UBAC2: variants seen among roughly 807,000 people sequenced by gnomAD.
UBAC2 encodes ubiquitin-associated domain-containing protein 2.
In UBAC2, 26 loss-of-function variants were observed where a neutral mutation model predicts 44.0. The ratio of observed to expected loss-of-function variants is 0.59; its 90% CI spans 0.43 to 0.82. The LOEUF is 0.82. Ranked by LOEUF, UBAC2 falls within the 40% of genes least tolerant of loss-of-function variation. The pLI, the probability that UBAC2 is intolerant of heterozygous loss-of-function variation, is 0.00. For missense variants in UBAC2, 329 were observed against 419.4 expected (o/e 0.78, Z 1.88); for synonymous variants, 155 against 154.3 (o/e 1.00, Z -0.04).
At chr13:99,254,091 T>C (rs1405075977) in intron 4 of UBAC2, among the ~76,000 whole-genome samples, 2 of 152,196 alleles carry the variant, frequency 1.3e-5, no homozygotes, top group Non-Finnish European at 2.9e-5. Flanking sequence ...TACTGTGACA[T>C]ATGGCCTGGG....
At chr13:99,337,280 A>G (rs1180365063) in intron 6 of UBAC2, among the ~76,000 whole-genome samples, 1 of 152,088 alleles carries the variant, frequency 6.6e-6, no homozygotes, top group East Asian at 1.9e-4. Flanking sequence ...GCATCTTCCT[A>G]TTCATGGAAC....
intron 4 of UBAC2, among the ~76,000 whole-genome samples, chr13:99,251,646 A>G (rs2043459737): frequency 6.6e-6 from 1 of 152,200 alleles, no homozygotes; most frequent in Admixed American, 6.5e-5. Context: ...CATTTCCATC[A>G]GAATAAAAGT....
At chr13:99,309,567 T>C (rs1047110266) in intron 4 of UBAC2, among the ~76,000 whole-genome samples, 1 of 152,208 alleles carries the variant, frequency 6.6e-6, no homozygotes, top group Non-Finnish European at 1.5e-5. Flanking sequence ...TGAGTTGTGA[T>C]TGTACTGTAA....
At chr13:99,253,863 G>C (rs1027375776) in intron 4 of UBAC2, among the ~76,000 whole-genome samples, 8 of 152,194 alleles carry the variant, frequency 5.3e-5, no homozygotes, top group Admixed American at 4.6e-4. Flanking sequence ...GCCCCAGTAG[G>C]ATATGATCAT....
Position 99,238,654 on chromosome 13 carries a change from C to T in UBAC2, c.159+100C>T. On this transcript the variant is annotated intron_variant, in intron 2 of 8. Transcript: ENST00000403766. ...TCCTGCTGTTAGTCCCTCAAAGCCC[C>T]CAATTTGTAAGAAATATTTATTATT... 9 of 1,090,478 alleles carry T rather than the reference C, an allele frequency of 8.3e-6. No individual in the cohort carries two copies. In the Admixed American group the frequency reaches 1.4e-4, roughly 17 times the overall value. 67.6% of individuals were successfully genotyped at this position (1,090,478 alleles called of 1,614,324 possible).
intron 7 of UBAC2, among the ~76,000 whole-genome samples, chr13:99,348,970 AAAAAG>A (rs959566644): frequency 1.2e-4 from 18 of 152,224 alleles, no homozygotes; most frequent in Admixed American, 5.9e-4. Context: ...GCTCAAAAAG[AAAAAG>A]AAAAGAAAAG....
chr13:99,260,581 G>A (rs930227159), intron 4 of UBAC2, among the ~76,000 whole-genome samples: 1 of 152,186 alleles, frequency 6.6e-6, no homozygotes, highest in African/African-American at 2.4e-5. Context: ...CTGGATCTTC[G>A]CGATGGTTTT....
At chr13:99,220,615 G>A (rs748690151) in intron 1 of UBAC2, among the ~76,000 whole-genome samples, 13 of 152,040 alleles carry the variant, frequency 8.6e-5, no homozygotes, top group African/African-American at 2.2e-4. Flanking sequence ...AGATTAATGC[G>A]TTGTCTGTTA....
At chr13:99,325,670 C>G (rs1229908573) in intron 6 of UBAC2, among the ~76,000 whole-genome samples, 1 of 152,138 alleles carries the variant, frequency 6.6e-6, no homozygotes, top group Non-Finnish European at 1.5e-5. Context: ...AAACTTTATG[C>G]CTGTTGATTT....
chr13:99,265,982 C>A (rs2043738448), intron 4 of UBAC2, among the ~76,000 whole-genome samples: 1 of 152,130 alleles, frequency 6.6e-6, no homozygotes, highest in Non-Finnish European at 1.5e-5. Flanking sequence ...ATCCAGATTT[C>A]TTATGTATGG....
chr13:99,267,600 G>T (rs928968089), intron 4 of UBAC2, among the ~76,000 whole-genome samples: 12 of 152,194 alleles, frequency 7.9e-5, no homozygotes, highest in African/African-American at 2.7e-4. Context: ...TCCAGAGTCT[G>T]CTCACTTCAG....
chr13:99,338,056 T>C lies in UBAC2; in HGVS notation c.562-2264T>C, dbSNP rs1316515979. Among the ~76,000 whole-genome samples the C allele has an allele frequency of 1.2e-3, 101 of 84,876 alleles. 2 individuals carry two copies. The highest frequency in any genetic ancestry group is 3.0e-3 in the African/African-American group (79 of 26,312). 55.7% of individuals were successfully genotyped at this position (84,876 alleles called of 152,430 possible). On this transcript the variant is annotated intron_variant, in intron 6 of 8. Coordinates refer to ENST00000403766, the MANE Select transcript of UBAC2 (RefSeq NM_001144072.2). Reference sequence around the variant, plus strand: ...CTTTTTTTCTTTTTTTCTTTTTTTTTTTTTTTTTTTTTTTTTTTTGAGACA... The same window carrying C: ...CTTTTTTTCTTTTTTTCTTTTTTTTCTTTTTTTTTTTTTTTTTTTGAGACA...
chr13:99,295,696 G>T lies in UBAC2; in HGVS notation c.390-18401G>T. ...CTAGAATCCAGACAAATATGCACAC[G>T]CCTTTTGCATGTTCAATCCTTTTTA... On this transcript the variant is annotated intron_variant, in intron 4 of 8. Coordinates refer to ENST00000403766, the MANE Select transcript of UBAC2 (RefSeq NM_001144072.2). The surrounding 1 kb of genome is among the most constrained non-coding windows in gnomAD (Gnocchi z 4.1). 1.9e-6 allele frequency: 3 copies of T among 1,614,118 alleles called. No homozygotes were observed. The East Asian group carries it at 6.7e-5, about 36-fold the overall frequency.
In UBAC2 at chr13:99,386,256, A is replaced by G. The variant is rs1481819495; in HGVS notation, c.*921A>G. The G allele has an allele frequency of 6.6e-6, 1 of 152,344 alleles. No individual in the cohort carries two copies. Among genetic ancestry groups the G allele is most frequent in the Non-Finnish European group, 1.5e-5 (1 of 68,098 alleles). The allele number at this position is 152,344 out of a possible 1,614,324, so 9.4% of individuals were successfully genotyped here. A position where few individuals can be genotyped will look rare whatever the true frequency, so the allele number is the denominator to read the frequency against. On this transcript the variant is annotated 3_prime_UTR_variant, in exon 9 of 9. Transcript: ENST00000403766. ...GGCAGGGCAGACTGTGGAGGACAGG[A>G]TGCAGGTCAGGGAGAGGGAAGGCAG... is the stretch of plus-strand genomic sequence containing the variant.
intron 6 of UBAC2, among the ~76,000 whole-genome samples, chr13:99,333,298 A>C (rs2044742825): frequency 1.3e-5 from 2 of 152,240 alleles, no homozygotes; most frequent in Non-Finnish European, 2.9e-5. Flanking sequence ...AATCTAAAAC[A>C]TTGTGCAGTA....
chr13:99,269,211 A>G (rs995286491), intron 4 of UBAC2, among the ~76,000 whole-genome samples: 8 of 152,264 alleles, frequency 5.3e-5, no homozygotes, highest in East Asian at 1.9e-4. Context: ...TGGAGTGCCT[A>G]TGAAATCCCT....
chr13:99,255,103 A>G lies in UBAC2; in HGVS notation c.389+10479A>G, dbSNP rs755906704. 3 of 1,614,148 alleles carry G rather than the reference A, an allele frequency of 1.9e-6. No individual in the cohort carries two copies. The Admixed American group carries it at 5.0e-5, about 27-fold the overall frequency. On this transcript the variant is annotated intron_variant, in intron 4 of 8. Transcript: ENST00000403766. ...ATTGTAACTGTTCTCCCCCGTTCCC[A>G]GCATCAGGAAAGCGAAACAGATGTG...
At chr13:99,292,272 A>T (rs1006612927) in intron 4 of UBAC2, among the ~76,000 whole-genome samples, 31 of 151,236 alleles carry the variant, frequency 2.0e-4, no homozygotes, top group Non-Finnish European at 1.0e-4. Context: ...AGTAGCTGGG[A>T]CTACAGGCGC....
At chr13:99,210,295 A>G (rs2042922581) in intron 1 of UBAC2, among the ~76,000 whole-genome samples, 1 of 152,214 alleles carries the variant, frequency 6.6e-6, no homozygotes, top group African/African-American at 2.4e-5. Flanking sequence ...GGAAGAAATA[A>G]AATGGCATTT....
Sources: allele counts gnomAD v4.1 joint callset (sites outside exome capture counted in the v4.1 genomes callset), GRCh38; gene constraint gnomAD v4.1.1; non-coding constraint Gnocchi (gnomAD v3.1); transcripts MANE v1.5; gene names NCBI Gene and HGNC (gene_info 2026-07-23, HGNC 2026-07-21).